SLTM: variants seen among roughly 807,000 people sequenced by gnomAD.
SLTM encodes SAFB-like transcription modulator.
In SLTM, 43 loss-of-function variants were observed where a neutral mutation model predicts 134.6. That is an observed-to-expected ratio of 0.32 (90% CI 0.25 to 0.41). The LOEUF (loss-of-function observed/expected upper bound fraction) is 0.41, where lower values mean the gene tolerates loss of function less well. SLTM is among the 10% of genes least tolerant of loss of function. SLTM has a pLI of 1.00. For synonymous variants in SLTM, 424 were observed against 432.3 expected (o/e 0.98, Z 0.24); for missense variants, 1,055 against 1,288.8 (o/e 0.82, Z 2.78).
intron 2 of SLTM, chr15:58,921,365 G>A (rs1385295848): frequency 6.2e-6 from 1 of 160,582 alleles, no homozygotes; most frequent in Non-Finnish European, 1.4e-5. Flanking sequence ...CAATGTGCCA[G>A]TTGTTTAAAA....
intron 5 of SLTM, among the ~76,000 whole-genome samples, chr15:58,904,544 ATT>A (rs34047153): frequency 1.6e-4 from 22 of 138,596 alleles, no homozygotes; most frequent in Non-Finnish European, 1.7e-4. Context: ...TGCTCTAAGA[ATT>A]TTTTTTTTTT....
chr15:58,886,218 A>AGTGTGTGTGTGTGTGTGT (rs60261686), intron 19 of SLTM, among the ~76,000 whole-genome samples: 2 of 124,458 alleles, frequency 1.6e-5, no homozygotes, highest in Admixed American at 1.7e-4. Flanking sequence ...GAAAAAGAAG[A>AGTGTGTGTGTGTGTGTGT]GTGTGTGTGT....
intron 20 of SLTM, 61 bp downstream of exon 20, chr15:58,883,565 C>T: frequency 1.3e-6 from 2 of 1,596,172 alleles, no homozygotes; most frequent in Admixed American, 3.4e-5. Context: ...ACTATAATGA[C>T]TTTTATGGAA....
At chr15:58,915,146 G>A (rs1035768530) in intron 3 of SLTM, among the ~76,000 whole-genome samples, 6 of 152,122 alleles carry the variant, frequency 3.9e-5, no homozygotes, top group Admixed American at 6.5e-5. Flanking sequence ...AGCTGACATC[G>A]CACCACTGCA....
At chr15:58,918,118 A>G (rs2036774367) in intron 2 of SLTM, among the ~76,000 whole-genome samples, 1 of 152,108 alleles carries the variant, frequency 6.6e-6, no homozygotes, top group Non-Finnish European at 1.5e-5. Flanking sequence ...CACAGAGGCA[A>G]TGCTAAAACA....
At position 58,883,517 on chromosome 15, in the gene SLTM, T is replaced by A; in HGVS notation, c.2996+109A>T. 4 of 1,417,350 alleles carry A rather than the reference T, an allele frequency of 2.8e-6. No homozygotes were observed. The East Asian group carries it at 9.2e-5, about 33-fold the overall frequency. The allele number at this position is 1,417,350 out of a possible 1,614,324, so 87.8% of individuals were successfully genotyped here. The stretch of plus-strand genomic sequence containing the variant: ...TGATACAGGGAAATGTTCAGGCAGA[T>A]CTAGGGTTTTCAGTAGTTGCAATTC... On this transcript the variant is annotated intron_variant, in intron 20 of 20. Coordinates refer to ENST00000380516, the MANE Select transcript of SLTM (RefSeq NM_024755.4).
intron 8 of SLTM, 157 bp downstream of exon 8, chr15:58,898,646 T>A: frequency 1.7e-6 from 1 of 599,444 alleles, no homozygotes. Context: ...CTGTAATATA[T>A]ATAATTCCAC....
At chr15:58,908,101 T>C (rs1468233113) in intron 5 of SLTM, among the ~76,000 whole-genome samples, 4 of 150,218 alleles carry the variant, frequency 2.7e-5, no homozygotes, top group Non-Finnish European at 1.5e-5. Context: ...CTGTTGCCCA[T>C]GATTGAGTGC....
chr15:58,891,349 T>A (rs1206115129), intron 14 of SLTM, among the ~76,000 whole-genome samples: 1 of 152,182 alleles, frequency 6.6e-6, no homozygotes, highest in Non-Finnish European at 1.5e-5. Flanking sequence ...ACAACGGACA[T>A]GCACACCATT....
rs188334050 is a variant in SLTM at position 58,920,514 on chromosome 15, T to C, written c.251-3515A>G. 7.9e-5 allele frequency among the ~76,000 whole-genome samples: 12 copies of C among 151,352 alleles called. 1 individual carries two copies. Among genetic ancestry groups the C allele is most frequent in the Admixed American group, 7.9e-4 (12 of 15,146 alleles). ...GGCACATGCCTGTAATCCCAGCTAA[T>C]TGGGAGGCTGAGACAGGAGAATCAC... On this transcript the variant is annotated intron_variant, in intron 2 of 20. Transcript: ENST00000380516.
At chr15:58,914,829 A>G (rs1260806878) in intron 3 of SLTM, among the ~76,000 whole-genome samples, 1 of 152,216 alleles carries the variant, frequency 6.6e-6, no homozygotes, top group Non-Finnish European at 1.5e-5. Context: ...TATTCACTTA[A>G]TTTCTATCAA....
chr15:58,913,560 GCT>G lies in SLTM; in HGVS notation c.450_451del (p.Arg150SerfsTer3). 1 of 1,613,104 alleles carries G rather than the reference GCT, an allele frequency of 6.2e-7. No homozygotes were observed. The highest frequency in any genetic ancestry group is 8.5e-7 in the Non-Finnish European group (1 of 1,179,810). On this transcript the variant is annotated frameshift_variant, in exon 4 of 21. Transcript: ENST00000380516. LOFTEE classifies it high-confidence loss of function. The stretch of plus-strand genomic sequence containing the variant: ...TCCTTCTGCCTCTATTAATTCATGA[GCT>G]CTCTTGTTTTCTTCTGCAGAGAGTA...
At position 58,888,531 on chromosome 15, in the gene SLTM, C is replaced by G; in HGVS notation, c.2229G>C (p.Glu743Asp). Residue 743 changes from glutamate (E) to aspartate (D), a missense_variant, in exon 17 of 21, where the codon GAG becomes GAC. Glu to Asp is a conservative substitution (Grantham distance 45). Transcript: ENST00000380516. ...CTGTATCTAGAGACAACTTTTTATT[C>G]TCGCTCCAGTAAGGATCATCTCGCC... is the stretch of plus-strand genomic sequence containing the variant. ...DHRRDDPYWS[E>D]NKKLSLDTDA... 6.2e-7 allele frequency: 1 copy of G among 1,613,814 alleles called. No individual in the cohort carries two copies. Among genetic ancestry groups the G allele is most frequent in the Non-Finnish European group, 8.5e-7 (1 of 1,179,940 alleles).
intron 5 of SLTM, among the ~76,000 whole-genome samples, chr15:58,908,768 A>G (rs1034203061): frequency 2.0e-5 from 3 of 152,236 alleles, no homozygotes; most frequent in Non-Finnish European, 4.4e-5. Flanking sequence ...CAGAACGGAA[A>G]GAACTTAAAA....
At chr15:58,909,834 CTA>C (rs2036131632) in intron 5 of SLTM, among the ~76,000 whole-genome samples, 1 of 152,212 alleles carries the variant, frequency 6.6e-6, no homozygotes, top group African/African-American at 2.4e-5. Context: ...CTTGGAAGCT[CTA>C]TAGCAGCAAC....
At chr15:58,906,588 T>C (rs1207293879) in intron 5 of SLTM, among the ~76,000 whole-genome samples, 1 of 152,350 alleles carries the variant, frequency 6.6e-6, no homozygotes, top group South Asian at 2.1e-4. Context: ...TGTACATGTA[T>C]AGGCTAAGCA....
intron 14 of SLTM, among the ~76,000 whole-genome samples, chr15:58,891,094 G>C (rs1419546292): frequency 6.6e-6 from 1 of 152,138 alleles, no homozygotes; most frequent in Non-Finnish European, 1.5e-5. Flanking sequence ...CTTACTGTAA[G>C]GTAGTCAGCA....
At chr15:58,885,050 A>C (rs2034067482) in intron 19 of SLTM, among the ~76,000 whole-genome samples, 1 of 152,232 alleles carries the variant, frequency 6.6e-6, no homozygotes. Context: ...CAAAACCTTA[A>C]GACAAGGCAC....
chr15:58,928,753 C>T (rs1477542281), intron 2 of SLTM, among the ~76,000 whole-genome samples: 2 of 152,158 alleles, frequency 1.3e-5, no homozygotes, highest in East Asian at 1.9e-4. Flanking sequence ...TTATTCACTA[C>T]CTTAATATTG....
Sources: allele counts gnomAD v4.1 joint callset (sites outside exome capture counted in the v4.1 genomes callset), GRCh38; gene constraint gnomAD v4.1.1; transcripts MANE v1.5; gene names NCBI Gene and HGNC (gene_info 2026-07-23, HGNC 2026-07-21).